The following PTPRF variants were observed in gnomAD, a reference collection of about 807,000 sequenced individuals.
PTPRF encodes protein tyrosine phosphatase receptor type F.
PTPRF carries 59 observed loss-of-function variants against 201.8 expected under a neutral mutation model. The ratio of observed to expected loss-of-function variants is 0.29; its 90% CI spans 0.24 to 0.36. The LOEUF is 0.36. PTPRF is among the 10% of genes least tolerant of loss of function. The pLI is 1.00. For missense variants in PTPRF, 2,132 were observed against 2,690.5 expected, an observed-to-expected ratio of 0.79 and a Z score of 4.59; for synonymous variants, 1,088 against 1,089.7, an observed-to-expected ratio of 1.00 and a Z score of 0.03.
At chr1:43,608,729 G>A (rs1347377288) in intron 21 of PTPRF, among the ~76,000 whole-genome samples, 1 of 152,198 alleles carries the variant, frequency 6.6e-6, no homozygotes, top group Non-Finnish European at 1.5e-5. Flanking sequence ...AGAGAGGCAT[G>A]TCCTTGTACC....
intron 23 of PTPRF, among the ~76,000 whole-genome samples, chr1:43,615,088 C>T (rs1268940246): frequency 1.3e-5 from 2 of 152,186 alleles, no homozygotes; most frequent in Non-Finnish European, 2.9e-5. Context: ...TGTCCACCCT[C>T]AGCTGTGTTT....
chr1:43,622,273 G>A lies in PTPRF; in HGVS notation c.*270G>A, dbSNP rs911988594. On this transcript the variant is annotated 3_prime_UTR_variant, in exon 34 of 34. Coordinates refer to ENST00000359947, the MANE Select transcript of PTPRF (RefSeq NM_002840.5). ...GAGCCCGCTTCAAGCTCTCTGTTGC[G>A]CTCCCGCATTTCTCATGCTTCTTCT... is the stretch of plus-strand genomic sequence containing the variant. 32 of 486,012 alleles carry A rather than the reference G, an allele frequency of 6.6e-5. No individual in the cohort carries two copies. Among genetic ancestry groups the A allele is most frequent in the Admixed American group, 5.9e-4 (17 of 28,590 alleles). The allele number at this position is 486,012 out of a possible 1,614,324, so 30.1% of individuals were successfully genotyped here. A position where few individuals can be genotyped will look rare whatever the true frequency, so the allele number is the denominator to read the frequency against.
chr1:43,608,137 T>C (rs1210319676), intron 21 of PTPRF, among the ~76,000 whole-genome samples: 2 of 152,240 alleles, frequency 1.3e-5, no homozygotes, highest in Admixed American at 6.5e-5. Flanking sequence ...GTCCCACAGA[T>C]GCACTCATCC....
Position 43,617,442 on chromosome 1 carries a change from C to T in PTPRF, c.4072-3C>T, listed in dbSNP as rs1211027030. On this transcript the variant is annotated splice_polypyrimidine_tract_variant and splice_region_variant and intron_variant, in intron 23 of 33. Coordinates refer to ENST00000359947, the MANE Select transcript of PTPRF (RefSeq NM_002840.5). The stretch of plus-strand genomic sequence containing the variant: ...CCCCACCCGCTTTCTCCATTCTCTG[C>T]AGTCCATCGACCCTGGACAGCAGTT... 1.2e-6 allele frequency: 2 copies of T among 1,614,110 alleles called. No homozygotes were observed. Among genetic ancestry groups the T allele is most frequent in the Admixed American group, 3.3e-5 (2 of 60,014 alleles).
chr1:43,547,379 G>A (rs1369645600), intron 3 of PTPRF, among the ~76,000 whole-genome samples: 1 of 152,230 alleles, frequency 6.6e-6, no homozygotes, highest in Non-Finnish European at 1.5e-5. Context: ...CAGGTAGGGG[G>A]TTCAGGGGAC....
At position 43,603,412 on chromosome 1, in the gene PTPRF, T is replaced by A. The variant is rs1654276245; in HGVS notation, c.2341-4T>A. The stretch of plus-strand genomic sequence containing the variant: ...ATGGGAACGAACCCCTCCTCCTCCC[T>A]CAGGAAACCACTATCAGCGGCCTGA... On this transcript the variant is annotated splice_region_variant and splice_polypyrimidine_tract_variant and intron_variant, in intron 14 of 33. Coordinates refer to ENST00000359947, the MANE Select transcript of PTPRF (RefSeq NM_002840.5). The surrounding 1 kb of genome is among the most constrained non-coding windows in gnomAD (Gnocchi z 5.8). The A allele has an allele frequency of 6.2e-7, 1 of 1,613,298 alleles. No individual in the cohort carries two copies. The highest frequency in any genetic ancestry group is 1.3e-5 in the African/African-American group (1 of 74,962).
intron 12 of PTPRF, 184 bp downstream of exon 12, chr1:43,598,237 G>A (rs938827062): frequency 6.6e-6 from 4 of 603,982 alleles, no homozygotes; most frequent in Non-Finnish European, 1.1e-5. Flanking sequence ...CCAGCCTTTG[G>A]GGCTGTCTCC....
At chr1:43,612,245 G>T (rs1201344216) in intron 22 of PTPRF, among the ~76,000 whole-genome samples, 2 of 152,158 alleles carry the variant, frequency 1.3e-5, no homozygotes, top group Non-Finnish European at 2.9e-5. Context: ...GCCACGTCCT[G>T]TGGGCAGAAG....
chr1:43,617,406 C>T, intron 23 of PTPRF, 39 bp from the exon 24 acceptor site: 1 of 1,612,938 alleles, frequency 6.2e-7, no homozygotes, highest in Non-Finnish European at 8.5e-7. Context: ...TCAACCTTGG[C>T]TCTTACCCCA....
intron 23 of PTPRF, among the ~76,000 whole-genome samples, chr1:43,614,121 A>G (rs1045618030): frequency 4.5e-4 from 68 of 152,332 alleles, no homozygotes; most frequent in Non-Finnish European, 7.6e-4. Flanking sequence ...CTTGGCATGC[A>G]TTATCTCTTT....
rs1206019354 is a variant in PTPRF, at chr1:43,569,748, A to G, written c.538A>G (p.Ser180Gly). The change falls in exon 6 of 34, where the codon AGC becomes GGC. Residue 180 changes from serine (S) to glycine (G), a missense_variant. Transcript: ENST00000359947. ...CTTCCTTCCTGTAGACCCTGCCACG[A>G]GCAACGGCCGCATCAAGCAGCTGCG... ...KDFLPVDPATSNGRIKQLRSG... is the reference protein window; with the variant it reads ...KDFLPVDPATGNGRIKQLRSG... 7 of 1,612,836 alleles carry G rather than the reference A, an allele frequency of 4.3e-6. No individual in the cohort carries two copies. In the African/African-American group the frequency reaches 5.3e-5, roughly 12 times the overall value.
intron 7 of PTPRF, among the ~76,000 whole-genome samples, chr1:43,580,362 G>T (rs1216910791): frequency 6.6e-6 from 1 of 152,194 alleles, no homozygotes; most frequent in Non-Finnish European, 1.5e-5. Flanking sequence ...TTCTGGAGAG[G>T]CCACAGGCTG....
intron 6 of PTPRF, among the ~76,000 whole-genome samples, chr1:43,574,857 C>T (rs981700089): frequency 3.9e-5 from 6 of 152,240 alleles, no homozygotes; most frequent in African/African-American, 1.2e-4. Flanking sequence ...TTCCACTTCA[C>T]TCACAAGCTG....
Position 43,553,426 on chromosome 1 carries a change from A to G in PTPRF, c.92-66A>G. On this transcript the variant is annotated intron_variant, in intron 3 of 33. Coordinates refer to ENST00000359947, the MANE Select transcript of PTPRF (RefSeq NM_002840.5). This position sits in a 1 kb window ranked among gnomAD's most constrained non-coding sequence, Gnocchi z 4.1. ...CTTTCTCTCTGCCCCCATGACTGCC[A>G]CCTTCCTCACTGGCCATTCCTATAG... is the stretch of plus-strand genomic sequence containing the variant. 1 of 1,521,662 alleles carries G rather than the reference A, an allele frequency of 6.6e-7. No homozygotes were observed. Among genetic ancestry groups the G allele is most frequent in the East Asian group, 2.3e-5 (1 of 44,144 alleles). The allele number at this position is 1,521,662 out of a possible 1,614,324, so 94.3% of individuals were successfully genotyped here.
At chr1:43,606,049 A>G (rs1570587019) in intron 19 of PTPRF, among the ~76,000 whole-genome samples, 191 bp from the exon 20 acceptor site, 1 of 152,236 alleles carries the variant, frequency 6.6e-6, no homozygotes, top group East Asian at 1.9e-4. Context: ...GCTGCTTCTC[A>G]TGGGCTGGTG....
At chr1:43,557,672 G>A (rs1185320340) in intron 5 of PTPRF, among the ~76,000 whole-genome samples, 10 of 151,190 alleles carry the variant, frequency 6.6e-5, no homozygotes, top group Non-Finnish European at 1.2e-4. Flanking sequence ...AGGTGCCTCC[G>A]TTTGGTTTCT....
rs775099637 is a variant in PTPRF at position 43,605,562 on chromosome 1, T to C, written c.3423T>C (p.Arg1141=). ...ACATTGTTGTGGTGCCCATTGACCGTGTGGGCGGGAGCATGCTGACGCCAA... is the reference window on the plus strand; with the variant it reads ...ACATTGTTGTGGTGCCCATTGACCGCGTGGGCGGGAGCATGCTGACGCCAA... The part of the protein sequence containing the change: ...WFYIVVVPID[R]VGGSMLTPRW... The change falls in exon 19 of 34, where the codon CGT becomes CGC. Residue 1141 remains arginine, a synonymous_variant. Coordinates refer to ENST00000359947, the MANE Select transcript of PTPRF (RefSeq NM_002840.5). The C allele has an allele frequency of 1.2e-6, 2 of 1,614,068 alleles. No individual in the cohort carries two copies. Among genetic ancestry groups the C allele is most frequent in the Middle Eastern group, 1.6e-4 (1 of 6,062 alleles).
chr1:43,532,096 T>C (rs950110537), intron 1 of PTPRF, among the ~76,000 whole-genome samples: 6 of 152,130 alleles, frequency 3.9e-5, no homozygotes, highest in Non-Finnish European at 8.8e-5. Context: ...CTCTATTTCC[T>C]CTCCCTGGGT....
Position 43,545,657 on chromosome 1 carries a change from A to G in PTPRF, c.91+491A>G, listed in dbSNP as rs192153996. On this transcript the variant is annotated intron_variant, in intron 3 of 33. Transcript: ENST00000359947. ...TCTTCCCCTACGCTGGACCCTCAGG[A>G]TCCAAGTATGCAGATCTGAGCCCCT... Among the ~76,000 whole-genome samples, 35 of 152,178 alleles carry G rather than the reference A, an allele frequency of 2.3e-4. 1 individual carries two copies. The highest frequency in any genetic ancestry group is 8.4e-4 in the African/African-American group (35 of 41,506).
Sources: allele counts gnomAD v4.1 joint callset (sites outside exome capture counted in the v4.1 genomes callset), GRCh38; gene constraint gnomAD v4.1.1; non-coding constraint Gnocchi (gnomAD v3.1); transcripts MANE v1.5; gene names NCBI Gene and HGNC (gene_info 2026-07-23, HGNC 2026-07-21).